The following CPA5 variants were observed in gnomAD, a reference collection of about 807,000 sequenced individuals.
The protein encoded by CPA5 is testicular tissue protein Li 32.
A neutral mutation model predicts 52.2 loss-of-function variants in CPA5; 38 were observed. The observed-to-expected ratio is 0.73, with a 90% CI of 0.56 to 0.95. The LOEUF (loss-of-function observed/expected upper bound fraction) is 0.95. CPA5 is among the 40% of genes least tolerant of loss of function. The pLI is 0.00. For synonymous variants in CPA5, 198 were observed against 213.7 expected (o/e 0.93, Z 0.64); for missense variants, 519 against 566.7 (o/e 0.92, Z 0.86).
At chr7:130,369,626 TGTGTGTGTGC>T (rs1205204486), downstream of CPA5, among the ~76,000 whole-genome samples, 19 of 152,042 alleles carry the variant, frequency 1.2e-4, no homozygotes, top group Non-Finnish European at 1.5e-5. Context: ...TGTGTGTGTT[TGTGTGTGTGC>T]GTGTGTGTGT....
Position 130,346,509 on chromosome 7 carries a change from G to A in CPA5, c.24G>A (p.Gly8=), listed in dbSNP as rs782206306. 4.7e-5 allele frequency: 76 copies of A among 1,613,534 alleles called. No individual in the cohort carries two copies. Among genetic ancestry groups the A allele is most frequent in the Admixed American group, 2.3e-4 (14 of 59,990 alleles). ...GCATGCAGGGCACCCCTGGAGGCGG[G>A]ACGCGCCCTGGGCCATCCCCCGTGG... MQGTPGG[G]TRPGPSPVDR... is the part of the protein sequence containing the mutation. The change falls in exon 3 of 13, where the codon GGG becomes GGA. Residue 8 remains glycine, a synonymous_variant. Coordinates refer to ENST00000474905, the MANE Select transcript of CPA5 (RefSeq NM_080385.5).
At chr7:130,358,751 C>T (rs1795630927) in intron 5 of CPA5, among the ~76,000 whole-genome samples, 1 of 152,170 alleles carries the variant, frequency 6.6e-6, no homozygotes, top group Admixed American at 6.6e-5. Context: ...AGGACACTAG[C>T]TCATCTCACT....
chr7:130,362,596 G>A (rs1554407092), intron 8 of CPA5, 57 bp downstream of exon 8: 2 of 1,276,492 alleles, frequency 1.6e-6, no homozygotes, highest in Non-Finnish European at 2.3e-6. Context: ...ACTGGGGGCA[G>A]GAACTTACTA....
chr7:130,366,225 A>C (rs1554408316), intron 10 of CPA5, among the ~76,000 whole-genome samples: 1 of 152,238 alleles, frequency 6.6e-6, no homozygotes, highest in Non-Finnish European at 1.5e-5. Flanking sequence ...GAAGTGGTCC[A>C]TGGGCCAGCC....
rs567841655 is a variant in CPA5, at chr7:130,347,480, C to A, written c.117-286C>A. Among the ~76,000 whole-genome samples, 4 of 152,302 alleles carry A rather than the reference C, an allele frequency of 2.6e-5. No individual in the cohort carries two copies. The South Asian group carries it at 8.3e-4, about 32-fold the overall frequency. ...TCCCTTCCTTCTTCCCCTGGCTTGG[C>A]CTTCAGTCCAGCAGTAGCACTGACA... On this transcript the variant is annotated intron_variant, in intron 3 of 12. Transcript: ENST00000474905.
At position 130,359,575 on chromosome 7, in the gene CPA5, TC is replaced by T; in HGVS notation, c.334-10del. On this transcript the variant is annotated splice_polypyrimidine_tract_variant and intron_variant, in intron 5 of 12. Coordinates refer to ENST00000474905, the MANE Select transcript of CPA5 (RefSeq NM_080385.5). ...TCTCCCCTTCCTTTCCAATATGTGT[TC>T]CCCATCACCCAGGTGCTGCTGGATG... 1 of 1,550,830 alleles carries T rather than the reference TC, an allele frequency of 6.4e-7. No individual in the cohort carries two copies. Among genetic ancestry groups the T allele is most frequent in the Non-Finnish European group, 8.7e-7 (1 of 1,144,804 alleles).
At chr7:130,350,165 C>G (rs1554403591) in intron 5 of CPA5, 56 bp downstream of exon 5, 1 of 1,567,828 alleles carries the variant, frequency 6.4e-7, no homozygotes, top group Middle Eastern at 1.8e-4. Flanking sequence ...TGGTTGGGGC[C>G]CAACATGGAG....
intron 5 of CPA5, among the ~76,000 whole-genome samples, chr7:130,351,082 A>C (rs1554403842): frequency 6.6e-6 from 1 of 152,242 alleles, no homozygotes; most frequent in African/African-American, 2.4e-5. Flanking sequence ...CGCATCAGGC[A>C]GCATTCCGTT....
At chr7:130,363,698 T>TTGTG (rs143673824) in intron 10 of CPA5, among the ~76,000 whole-genome samples, 189 bp downstream of exon 10, 3 of 151,128 alleles carry the variant, frequency 2.0e-5, no homozygotes, top group East Asian at 3.9e-4. Context: ...ACGGGAGAGG[T>TTGTG]TGTGTGTGTG....
chr7:130,373,519 T>G (rs1584846705), downstream of CPA5, among the ~76,000 whole-genome samples: 1 of 152,294 alleles, frequency 6.6e-6, no homozygotes, highest in African/African-American at 2.4e-5. Flanking sequence ...GTGAGGGGCC[T>G]GTGTGAGGCC....
chr7:130,363,612 G>T, intron 10 of CPA5, 103 bp downstream of exon 10: 1 of 964,244 alleles, frequency 1.0e-6, no homozygotes, highest in Non-Finnish European at 1.6e-6. Flanking sequence ...TGGGAGGCAT[G>T]GGACAATGTA....
chr7:130,357,324 A>C (rs374978004), intron 5 of CPA5, among the ~76,000 whole-genome samples: 1 of 151,896 alleles, frequency 6.6e-6, no homozygotes, highest in Non-Finnish European at 1.5e-5. Flanking sequence ...GGGGTGGAAG[A>C]CTCCACAGCA....
At chr7:130,357,147 G>A (rs1795519855) in intron 5 of CPA5, among the ~76,000 whole-genome samples, 1 of 152,168 alleles carries the variant, frequency 6.6e-6, no homozygotes, top group South Asian at 2.1e-4. Flanking sequence ...CATGGAGTTG[G>A]TGCTCAAAAA....
chr7:130,371,451 C>T (rs1047905818), downstream of CPA5, among the ~76,000 whole-genome samples: 3 of 152,184 alleles, frequency 2.0e-5, no homozygotes, highest in East Asian at 3.9e-4. Context: ...ACCCAACTCA[C>T]GGCCAAGGCT....
intron 5 of CPA5, among the ~76,000 whole-genome samples, chr7:130,358,610 C>T (rs550924369): frequency 1.4e-4 from 21 of 152,254 alleles, no homozygotes; most frequent in African/African-American, 4.1e-4. Flanking sequence ...GGGCAACTCG[C>T]GTTAATGAGG....
chr7:130,350,228 G>A (rs116870342), intron 5 of CPA5, 119 bp downstream of exon 5: 23 of 1,108,660 alleles, frequency 2.1e-5, no homozygotes, highest in African/African-American at 9.4e-5. Context: ...CTCCATCAGC[G>A]TGTTTGTGAA....
At position 130,344,921 on chromosome 7, in the gene CPA5, TAAAATGATGTTTTTG is replaced by T. The variant is rs1794645647; in HGVS notation, c.-433_-419del. On this transcript the variant is annotated 5_prime_UTR_variant, in exon 1 of 13. It removes an upstream start codon present in the reference 5' UTR. Transcript: ENST00000474905. ...GATAGTTGTCTCATCATTGGTGGCT[TAAAATGATGTTTTTG>T]AACAAGAAGACGCCCCATGGGTACT... The T allele has an allele frequency of 6.6e-6, 1 of 152,212 alleles. No homozygotes were observed. Among genetic ancestry groups the T allele is most frequent in the South Asian group, 2.1e-4 (1 of 4,830 alleles). 9.4% of individuals were successfully genotyped at this position (152,212 alleles called of 1,614,324 possible).
intron 10 of CPA5, among the ~76,000 whole-genome samples, chr7:130,366,609 T>C (rs1554408486): frequency 1.3e-5 from 2 of 152,270 alleles, no homozygotes; most frequent in African/African-American, 4.8e-5. Flanking sequence ...TTTGCACCTC[T>C]GGCTCCCAGA....
intron 10 of CPA5, among the ~76,000 whole-genome samples, chr7:130,365,918 C>T (rs1198353646): frequency 1.3e-5 from 2 of 152,240 alleles, no homozygotes; most frequent in African/African-American, 4.8e-5. Context: ...TGATTCCAGC[C>T]TGGGGGCTGC....
Sources: gnomAD v4.1 joint callset for allele counts (sites outside exome capture counted in the v4.1 genomes callset) on GRCh38, gnomAD v4.1.1 for gene constraint, MANE v1.5 for transcripts, NCBI Gene and HGNC (gene_info 2026-07-23, HGNC 2026-07-21) for gene names.